The following MACROD2 variants were observed in gnomAD, a reference collection of about 807,000 sequenced individuals.
The protein encoded by MACROD2 is ADP-ribose glycohydrolase MACROD2.
Under a neutral mutation model 70.4 loss-of-function variants are expected in MACROD2, and 36 were observed. The observed-to-expected ratio is 0.51, with a 90% CI of 0.39 to 0.68. The LOEUF (loss-of-function observed/expected upper bound fraction) is 0.68, where lower values mean the gene tolerates loss of function less well. Ranked by LOEUF, MACROD2 falls within the 30% of genes least tolerant of loss-of-function variation. The pLI is 0.00. For missense variants in MACROD2, 496 were observed against 538.4 expected, an observed-to-expected ratio of 0.92 and a Z score of 0.78; for synonymous variants, 172 against 178.8, an observed-to-expected ratio of 0.96 and a Z score of 0.30.
chr20:16,009,369 G>A (rs1278959246), intron 15 of MACROD2, among the ~76,000 whole-genome samples: 1 of 152,132 alleles, frequency 6.6e-6, no homozygotes, highest in Non-Finnish European at 1.5e-5. Flanking sequence ...TTAAAGTTTC[G>A]AGATTTATCA....
At chr20:15,460,964 A>C (rs2146413179) in intron 7 of MACROD2, among the ~76,000 whole-genome samples, 2 of 125,018 alleles carry the variant, frequency 1.6e-5, no homozygotes, top group African/African-American at 5.8e-5. Context: ...CCCTTTAATT[A>C]TCTCTCTCTC....
chr20:14,996,732 C>G (rs1310169287), intron 5 of MACROD2, among the ~76,000 whole-genome samples: 1 of 152,098 alleles, frequency 6.6e-6, no homozygotes, highest in Non-Finnish European at 1.5e-5. Flanking sequence ...CATTGCAACT[C>G]AGTGCTGCCC....
intron 5 of MACROD2, among the ~76,000 whole-genome samples, chr20:14,904,135 A>T (rs534942625): frequency 6.6e-6 from 1 of 152,324 alleles, no homozygotes; most frequent in South Asian, 2.1e-4. Flanking sequence ...CTGGGATCTT[A>T]GTAGGCTCCT....
chr20:14,174,390 T>C (rs1304787051), intron 3 of MACROD2, among the ~76,000 whole-genome samples: 1 of 152,098 alleles, frequency 6.6e-6, no homozygotes, highest in Non-Finnish European at 1.5e-5. Flanking sequence ...AATGGAGTTA[T>C]GTTCCTAGGG....
intron 4 of MACROD2, among the ~76,000 whole-genome samples, chr20:14,684,181 G>A (rs937201706): frequency 3.9e-5 from 6 of 152,152 alleles, no homozygotes; most frequent in Non-Finnish European, 7.4e-5. Context: ...AGAGTAAGGG[G>A]TGGTCTTATG....
At chr20:16,027,159 G>T (rs2067092455) in intron 15 of MACROD2, among the ~76,000 whole-genome samples, 1 of 152,180 alleles carries the variant, frequency 6.6e-6, no homozygotes, top group Non-Finnish European at 1.5e-5. Flanking sequence ...GAAGCTGAAA[G>T]AATTGGTGTT....
intron 3 of MACROD2, among the ~76,000 whole-genome samples, chr20:14,410,214 T>C (rs983462456): frequency 2.2e-5 from 1 of 44,896 alleles, no homozygotes; most frequent in African/African-American, 9.0e-5. Flanking sequence ...AGAGTTTGCA[T>C]TTCTTTTTTT....
intron 3 of MACROD2, among the ~76,000 whole-genome samples, chr20:14,382,524 G>T (rs890713129): frequency 6.6e-6 from 1 of 151,650 alleles, no homozygotes; most frequent in South Asian, 2.1e-4. Context: ...CAAAATTAGC[G>T]GGGCGTGGTG....
At chr20:14,497,711 T>G (rs1441996201) in intron 4 of MACROD2, among the ~76,000 whole-genome samples, 1 of 151,736 alleles carries the variant, frequency 6.6e-6, no homozygotes, top group East Asian at 1.9e-4. Context: ...CTTACTGTCT[T>G]TTGTACACAT....
At chr20:14,385,739 G>C (rs1476151045) in intron 3 of MACROD2, among the ~76,000 whole-genome samples, 1 of 152,098 alleles carries the variant, frequency 6.6e-6, no homozygotes, top group Admixed American at 6.6e-5. Context: ...TGCTAAATTA[G>C]CTTATTGAAA....
chr20:13,995,849 G>T lies in MACROD2; in HGVS notation c.46+40G>T, dbSNP rs950852557. 1.5e-6 allele frequency: 2 copies of T among 1,312,108 alleles called. No individual in the cohort carries two copies. The highest frequency in any genetic ancestry group is 1.1e-6 in the Non-Finnish European group (1 of 938,802). 81.3% of individuals were successfully genotyped at this position (1,312,108 alleles called of 1,614,324 possible). Reference sequence around the variant, plus strand: ...GAGTCCTGGGGGTGCGGGCGGTGGGGGTTAGGGTGGGGGCGGGGGTCAGGC... The same window carrying T: ...GAGTCCTGGGGGTGCGGGCGGTGGGTGTTAGGGTGGGGGCGGGGGTCAGGC... On this transcript the variant is annotated intron_variant, in intron 1 of 17. Coordinates refer to ENST00000684519, the MANE Select transcript of MACROD2 (RefSeq NM_001351661.2). The surrounding 1 kb of genome is among the most constrained non-coding windows in gnomAD (Gnocchi z 4.3).
intron 5 of MACROD2, among the ~76,000 whole-genome samples, chr20:15,116,574 G>A (rs2123235549): frequency 6.6e-6 from 1 of 152,326 alleles, no homozygotes; most frequent in African/African-American, 2.4e-5. Flanking sequence ...AAACCTGGGA[G>A]GCGGAGGTTG....
At chr20:15,541,644 TATATTA>T (rs2047957346) in intron 8 of MACROD2, among the ~76,000 whole-genome samples, 1 of 152,204 alleles carries the variant, frequency 6.6e-6, no homozygotes, top group Admixed American at 6.5e-5. Flanking sequence ...AATTTCTTAA[TATATTA>T]ATTTTAATAG....
chr20:15,426,619 G>GTTTTTT (rs200917755), intron 6 of MACROD2, among the ~76,000 whole-genome samples: 1 of 149,382 alleles, frequency 6.7e-6, no homozygotes, highest in Non-Finnish European at 1.5e-5. Flanking sequence ...ATTTTTTTTT[G>GTTTTTT]TTTTTTGTTT....
At chr20:14,703,453 T>C (rs116505890) in intron 5 of MACROD2, among the ~76,000 whole-genome samples, 2,038 of 152,278 alleles carry the variant, frequency 0.013, 47 homozygotes, top group African/African-American at 0.046. Context: ...TAAACAAATG[T>C]TAGGTATATG....
intron 5 of MACROD2, among the ~76,000 whole-genome samples, chr20:15,022,624 A>G (rs1240584441): frequency 1.3e-5 from 2 of 152,238 alleles, no homozygotes; most frequent in Admixed American, 6.5e-5. Context: ...CACTGGTGAT[A>G]TATTCTAAAG....
intron 5 of MACROD2, among the ~76,000 whole-genome samples, chr20:15,018,713 G>C (rs369861821): frequency 1.3e-4 from 20 of 151,882 alleles, no homozygotes; most frequent in East Asian, 7.7e-4. Context: ...CTTTATATTC[G>C]CTGGAAGCTG....
chr20:15,262,879 G>T (rs2077261129), intron 6 of MACROD2, among the ~76,000 whole-genome samples: 1 of 151,444 alleles, frequency 6.6e-6, no homozygotes, highest in Non-Finnish European at 1.5e-5. Context: ...CTTTTGGCCA[G>T]ATTATTAGTT....
chr20:15,618,501 A>G lies in MACROD2; in HGVS notation c.645+118654A>G, dbSNP rs560298024. Among the ~76,000 whole-genome samples the G allele has an allele frequency of 2.6e-3, 396 of 152,260 alleles. 3 individuals carry two copies. The highest frequency in any genetic ancestry group is 4.8e-3 in the Non-Finnish European group (328 of 68,024). On this transcript the variant is annotated intron_variant, in intron 8 of 17. Transcript: ENST00000684519. Reference sequence around the variant, plus strand: ...TTTTATCAACTCCAAGCTCTAATTCATATTCCTCCAAGTCTCTCACCCCAC... The same window carrying G: ...TTTTATCAACTCCAAGCTCTAATTCGTATTCCTCCAAGTCTCTCACCCCAC...
Sources: gnomAD v4.1 joint callset for allele counts (sites outside exome capture counted in the v4.1 genomes callset) on GRCh38, gnomAD v4.1.1 for gene constraint, Gnocchi (gnomAD v3.1) non-coding constraint, MANE v1.5 for transcripts, NCBI Gene and HGNC (gene_info 2026-07-23, HGNC 2026-07-21) for gene names.